Variants in NTPCR observed in about 807,000 individuals in gnomAD.
NTPCR encodes cancer-related nucleoside-triphosphatase.
NTPCR carries 15 observed loss-of-function variants against 19.5 expected under a neutral mutation model. The ratio of observed to expected loss-of-function variants is 0.77; its 90% CI spans 0.51 to 1.18. The LOEUF is 1.18. Among genes scored for constraint, NTPCR ranks in the 50% most tolerant of loss-of-function variants. The probability of loss-of-function intolerance (pLI) is 0.00; values close to 1 mark genes in which losing one functional copy is unlikely to be tolerated. For synonymous variants in NTPCR, 90 were observed against 95.8 expected (o/e 0.94, Z 0.36); for missense variants, 206 against 240.4 (o/e 0.86, Z 0.95).
intron 3 of NTPCR, chr1:232,966,671 C>A (rs1034463000): frequency 1.3e-5 from 2 of 152,170 alleles, no homozygotes; most frequent in East Asian, 3.9e-4. Flanking sequence ...CTTCTCTTAT[C>A]CCTGGCTGGT....
chr1:232,972,167 C>T (rs946814481), intron 4 of NTPCR, among the ~76,000 whole-genome samples: 1 of 152,150 alleles, frequency 6.6e-6, no homozygotes, highest in Admixed American at 6.5e-5. Context: ...ATAATCATTG[C>T]TTCTAATGAT....
Position 232,950,640 on chromosome 1 carries a change from G to GGACCT in NTPCR, c.-63_-59dup, listed in dbSNP as rs1668332586. ...GGGTCCTGAGTCGCGACCCTGGTCC[G>GGACCT]GACCTGACCTGAATTGCGACCCCAA... is the stretch of plus-strand genomic sequence containing the variant. On this transcript the variant is annotated 5_prime_UTR_variant, in exon 1 of 5. Transcript: ENST00000366628. The GGACCT allele has an allele frequency of 1.5e-6, 2 of 1,292,090 alleles. No homozygotes were observed. The highest frequency in any genetic ancestry group is 2.9e-5 in the African/African-American group (2 of 68,264). 80.0% of individuals were successfully genotyped at this position (1,292,090 alleles called of 1,614,324 possible).
chr1:232,950,777 T>A (rs1175142637), intron 1 of NTPCR, 33 bp downstream of exon 1: 2 of 1,529,098 alleles, frequency 1.3e-6, no homozygotes, highest in African/African-American at 2.8e-5. Flanking sequence ...CTCCAAGAGG[T>A]CGAGGGGGTG....
At chr1:232,975,353 G>T (rs1669096584) in intron 4 of NTPCR, among the ~76,000 whole-genome samples, 2 of 152,110 alleles carry the variant, frequency 1.3e-5, no homozygotes, top group Non-Finnish European at 2.9e-5. Context: ...CATCTGGTTG[G>T]CCTAGGTACG....
At chr1:232,955,848 G>T in intron 2 of NTPCR, 129 bp downstream of exon 2, 1 of 853,156 alleles carries the variant, frequency 1.2e-6, no homozygotes, top group Non-Finnish European at 1.9e-6. Context: ...ATGCCCATCT[G>T]CTTTCCCTTT....
In NTPCR at chr1:232,969,893, T is replaced by G. The variant is rs1237869868; in HGVS notation, c.295-16T>G. ...TGTGACTCTGATGTCCCAGTGAAAGTCTTTGTCATTCTCAGGCCGACTGCA... is the reference window on the plus strand; with the variant it reads ...TGTGACTCTGATGTCCCAGTGAAAGGCTTTGTCATTCTCAGGCCGACTGCA... On this transcript the variant is annotated splice_polypyrimidine_tract_variant and intron_variant, in intron 3 of 4. Coordinates refer to ENST00000366628, the MANE Select transcript of NTPCR (RefSeq NM_032324.3). 4.1e-5 allele frequency: 66 copies of G among 1,610,634 alleles called. No individual in the cohort carries two copies. Among genetic ancestry groups the G allele is most frequent in the Non-Finnish European group, 5.6e-5 (66 of 1,177,112 alleles).
At chr1:232,963,012 AAAGATTGAC>A (rs1413680821) in intron 3 of NTPCR, 4 of 152,210 alleles carry the variant, frequency 2.6e-5, no homozygotes, top group Non-Finnish European at 4.4e-5. Flanking sequence ...TCCATTCTTG[AAAGATTGAC>A]AAGCTCCTCA....
chr1:232,954,236 A>G (rs780310571), intron 1 of NTPCR, among the ~76,000 whole-genome samples: 23 of 152,380 alleles, frequency 1.5e-4, no homozygotes, highest in Non-Finnish European at 3.4e-4. Context: ...TACCAGCTGC[A>G]TGCTCACTGT....
chr1:232,978,273 C>G lies in NTPCR; in HGVS notation c.*42C>G. ...GCCTTCCGTGAAGGAGTGCCCAGTTCAAGAGGAGCCTGATGGAGCCCTGCC... is the reference window on the plus strand; with the variant it reads ...GCCTTCCGTGAAGGAGTGCCCAGTTGAAGAGGAGCCTGATGGAGCCCTGCC... On this transcript the variant is annotated 3_prime_UTR_variant, in exon 5 of 5. Coordinates refer to ENST00000366628, the MANE Select transcript of NTPCR (RefSeq NM_032324.3). 1.3e-6 allele frequency: 2 copies of G among 1,555,126 alleles called. No individual in the cohort carries two copies. Among genetic ancestry groups the G allele is most frequent in the Non-Finnish European group, 1.8e-6 (2 of 1,127,914 alleles).
chr1:232,957,492 A>G (rs990596417), intron 3 of NTPCR, among the ~76,000 whole-genome samples: 1 of 151,994 alleles, frequency 6.6e-6, no homozygotes, highest in Non-Finnish European at 1.5e-5. Flanking sequence ...TCATAGATTC[A>G]CCCATAATGC....
At chr1:232,962,736 A>G (rs1668700149) in intron 3 of NTPCR, 2 of 152,210 alleles carry the variant, frequency 1.3e-5, no homozygotes, top group Non-Finnish European at 2.9e-5. Context: ...GGGAAAACCA[A>G]CATAGTTTGA....
chr1:232,952,795 C>G (rs184227252), intron 1 of NTPCR, among the ~76,000 whole-genome samples: 1 of 152,202 alleles, frequency 6.6e-6, no homozygotes, highest in South Asian at 2.1e-4. Flanking sequence ...GGTAAAGTCT[C>G]CTCTCAAAGA....
Position 232,983,773 on chromosome 1 carries a change from T to C in NTPCR, c.*5542T>C, listed in dbSNP as rs1018466719. On this transcript the variant is annotated 3_prime_UTR_variant, in exon 5 of 5. Coordinates refer to ENST00000366628, the MANE Select transcript of NTPCR (RefSeq NM_032324.3). The stretch of plus-strand genomic sequence containing the variant: ...AATATTATAAAGAAATAGGGTTTTC[T>C]TGACACTTAGATTTAACCTTAATGC... The C allele has an allele frequency of 1.3e-5, 2 of 152,250 alleles. No homozygotes were observed. The highest frequency in any genetic ancestry group is 2.9e-5 in the Non-Finnish European group (2 of 68,044). 9.4% of individuals were successfully genotyped at this position (152,250 alleles called of 1,614,324 possible). A position where few individuals can be genotyped will look rare whatever the true frequency, so the allele number is the denominator to read the frequency against.
chr1:232,972,523 C>T (rs995059324), intron 4 of NTPCR, among the ~76,000 whole-genome samples: 4 of 152,108 alleles, frequency 2.6e-5, no homozygotes, highest in Non-Finnish European at 4.4e-5. Flanking sequence ...GCCTCCTAGG[C>T]TGAAGCCATC....
intron 3 of NTPCR, among the ~76,000 whole-genome samples, chr1:232,959,118 A>G (rs1280452310): frequency 6.6e-6 from 1 of 152,078 alleles, no homozygotes; most frequent in African/African-American, 2.4e-5. Flanking sequence ...CCCCACCCAA[A>G]TCTCATCTTG....
intron 3 of NTPCR, among the ~76,000 whole-genome samples, chr1:232,958,569 G>A (rs1571955255): frequency 6.6e-6 from 1 of 152,136 alleles, no homozygotes; most frequent in Admixed American, 6.5e-5. Flanking sequence ...TGTGCTTCTT[G>A]GAACCCACCA....
At chr1:232,951,936 GT>G (rs1260166677) in intron 1 of NTPCR, among the ~76,000 whole-genome samples, 1 of 152,160 alleles carries the variant, frequency 6.6e-6, no homozygotes, top group African/African-American at 2.4e-5. Context: ...ACAACTGTGT[GT>G]TTTATTAATG....
At chr1:232,956,565 A>G (rs1332478916) in intron 3 of NTPCR, 122 bp downstream of exon 3, 2 of 673,346 alleles carry the variant, frequency 3.0e-6, no homozygotes, top group African/African-American at 3.6e-5. Context: ...TACAATTGAA[A>G]AGATTGAGTC....
chr1:232,958,255 G>T (rs530609050), intron 3 of NTPCR, among the ~76,000 whole-genome samples: 14 of 152,302 alleles, frequency 9.2e-5, no homozygotes, highest in African/African-American at 3.4e-4. Context: ...GGCCTAGAAG[G>T]CCCTGTAGCC....
Sources: allele counts gnomAD v4.1 joint callset (sites outside exome capture counted in the v4.1 genomes callset), GRCh38; gene constraint gnomAD v4.1.1; transcripts MANE v1.5; gene names NCBI Gene and HGNC (gene_info 2026-07-23, HGNC 2026-07-21).